AP3B1: variants seen among roughly 807,000 people sequenced by gnomAD.
AP3B1 encodes AP-3 complex subunit beta-1.
In AP3B1, 61 loss-of-function variants were observed where a neutral mutation model predicts 132.5. The ratio of observed to expected loss-of-function variants is 0.46; its 90% CI spans 0.37 to 0.57. The LOEUF is 0.57. Among genes scored for constraint, AP3B1 ranks in the 20% least tolerant of loss-of-function variants. The pLI is 0.00. For synonymous variants in AP3B1, 388 were observed against 438.3 expected, an observed-to-expected ratio of 0.89 and a Z score of 1.43; for missense variants, 1,120 against 1,289.4, an observed-to-expected ratio of 0.87 and a Z score of 2.01.
chr5:78,043,561 CT>C, intron 22 of AP3B1: 1 of 438,668 alleles, frequency 2.3e-6, no homozygotes. Flanking sequence ...CTTCTTTGAC[CT>C]TCCTCTCTTC....
At chr5:78,102,354 T>C (rs1329578338) in intron 20 of AP3B1, among the ~76,000 whole-genome samples, 2 of 152,104 alleles carry the variant, frequency 1.3e-5, no homozygotes, top group Non-Finnish European at 2.9e-5. Flanking sequence ...CATAATAATA[T>C]ACATTATTAA....
intron 17 of AP3B1, among the ~76,000 whole-genome samples, chr5:78,117,778 C>T (rs1267752009): frequency 6.6e-6 from 1 of 152,192 alleles, no homozygotes; most frequent in Admixed American, 6.5e-5. Context: ...GCCCCTTTAA[C>T]CACTTTAATA....
At chr5:78,014,006 A>G (rs1746741373) in intron 26 of AP3B1, among the ~76,000 whole-genome samples, 1 of 152,148 alleles carries the variant, frequency 6.6e-6, no homozygotes, top group Non-Finnish European at 1.5e-5. Context: ...TACTAAAAAT[A>G]CAAAAAATTA....
At chr5:78,106,561 T>C (rs1175430257) in intron 20 of AP3B1, among the ~76,000 whole-genome samples, 5 of 152,152 alleles carry the variant, frequency 3.3e-5, no homozygotes. Context: ...CAAATGGCAG[T>C]GGGCCATCAG....
chr5:78,037,263 C>T (rs2112096725), intron 23 of AP3B1, among the ~76,000 whole-genome samples: 1 of 152,208 alleles, frequency 6.6e-6, no homozygotes, highest in Middle Eastern at 3.4e-3. Flanking sequence ...AACCTTCAGA[C>T]AATTCATGTA....
Position 78,165,598 on chromosome 5 carries a change from C to G in AP3B1, c.1230+12G>C, listed in dbSNP as rs1257468088. On this transcript the variant is annotated intron_variant, in intron 12 of 26. Coordinates refer to ENST00000255194, the MANE Select transcript of AP3B1 (RefSeq NM_003664.5). ...TTTTAGAAGTTTTTTATAATTAGCACTGTACACAAACCTGAAATTCTCGAA... is the reference window on the plus strand; with the variant it reads ...TTTTAGAAGTTTTTTATAATTAGCAGTGTACACAAACCTGAAATTCTCGAA... 3 of 1,594,018 alleles carry G rather than the reference C, an allele frequency of 1.9e-6. No individual in the cohort carries two copies. Among genetic ancestry groups the G allele is most frequent in the African/African-American group, 1.3e-5 (1 of 74,446 alleles).
At chr5:78,277,096 T>C (rs1316843540) in intron 1 of AP3B1, among the ~76,000 whole-genome samples, 2 of 152,208 alleles carry the variant, frequency 1.3e-5, no homozygotes, top group African/African-American at 4.8e-5. Context: ...TTTAGCTACC[T>C]GGTATTATTT....
intron 6 of AP3B1, among the ~76,000 whole-genome samples, chr5:78,221,341 T>C (rs1746168824): frequency 6.6e-6 from 1 of 151,858 alleles, no homozygotes; most frequent in South Asian, 2.1e-4. Flanking sequence ...TGGCAAAAAT[T>C]ACCGACAAAG....
intron 17 of AP3B1, among the ~76,000 whole-genome samples, chr5:78,120,230 C>CA (rs943179419): frequency 3.6e-4 from 55 of 151,838 alleles, no homozygotes; most frequent in African/African-American, 1.3e-3. Context: ...CCAGCCACTG[C>CA]AAAAAACATG....
At chr5:78,096,770 C>T (rs942415419) in intron 21 of AP3B1, among the ~76,000 whole-genome samples, 1 of 151,836 alleles carries the variant, frequency 6.6e-6, no homozygotes, top group African/African-American at 2.4e-5. Flanking sequence ...AGCCCCTCCG[C>T]CCGGCAGCCG....
At chr5:78,087,280 C>A (rs983597249) in intron 22 of AP3B1, among the ~76,000 whole-genome samples, 2 of 152,060 alleles carry the variant, frequency 1.3e-5, no homozygotes, top group Non-Finnish European at 2.9e-5. Context: ...GAGGGGTTTT[C>A]TTTATTTTCC....
intron 7 of AP3B1, among the ~76,000 whole-genome samples, chr5:78,204,276 A>G (rs1745415560): frequency 6.6e-6 from 1 of 152,150 alleles, no homozygotes; most frequent in African/African-American, 2.4e-5. Context: ...GTCGTTTCTA[A>G]GCTATTTCTG....
intron 22 of AP3B1, among the ~76,000 whole-genome samples, chr5:78,085,625 C>T (rs946729296): frequency 3.9e-5 from 6 of 152,072 alleles, no homozygotes; most frequent in African/African-American, 1.4e-4. Context: ...TCCTTTTGCT[C>T]ATTTTTATAG....
chr5:78,132,842 T>C (rs1248906553), intron 15 of AP3B1, among the ~76,000 whole-genome samples: 1 of 152,246 alleles, frequency 6.6e-6, no homozygotes, highest in Admixed American at 6.5e-5. Flanking sequence ...TTTAGCACTT[T>C]ATTGTTTGTT....
intron 7 of AP3B1, among the ~76,000 whole-genome samples, chr5:78,192,433 G>C (rs998667406): frequency 1.3e-5 from 2 of 151,884 alleles, no homozygotes; most frequent in East Asian, 3.9e-4. Context: ...CCCGAGGTCA[G>C]GAGTTCGAGA....
At chr5:78,019,789 C>T (rs531813200) in intron 25 of AP3B1, among the ~76,000 whole-genome samples, 3 of 152,132 alleles carry the variant, frequency 2.0e-5, no homozygotes, top group South Asian at 4.2e-4. Context: ...TGCCAGGAAG[C>T]GTGCCCCTCT....
In AP3B1 at chr5:78,195,487, G is replaced by A. The variant is rs74569509; in HGVS notation, c.787-13825C>T. Among the ~76,000 whole-genome samples, 7 of 152,264 alleles carry A rather than the reference G, an allele frequency of 4.6e-5. No individual in the cohort carries two copies. In the East Asian group the frequency reaches 1.3e-3, roughly 29 times the overall value. On this transcript the variant is annotated intron_variant, in intron 7 of 26. Transcript: ENST00000255194. ...ACAAAAGAGCCAAGACAATACGATG[G>A]AGAAAAGATAGTCGTTCAACAAATG...
intron 14 of AP3B1, among the ~76,000 whole-genome samples, chr5:78,142,983 T>C (rs181133656): frequency 1.8e-3 from 270 of 152,284 alleles, no homozygotes; most frequent in African/African-American, 6.0e-3. Context: ...GAGTGGTACA[T>C]TAAATTTTCC....
intron 2 of AP3B1, among the ~76,000 whole-genome samples, chr5:78,266,091 CAT>C (rs1748310445): frequency 6.9e-6 from 1 of 145,298 alleles, no homozygotes; most frequent in Non-Finnish European, 1.6e-5. Flanking sequence ...GATCATGATA[CAT>C]GTTTGTAATT....
Sources: allele counts gnomAD v4.1 joint callset (sites outside exome capture counted in the v4.1 genomes callset), GRCh38; gene constraint gnomAD v4.1.1; transcripts MANE v1.5; gene names NCBI Gene and HGNC (gene_info 2026-07-23, HGNC 2026-07-21).